C2CD3: variants seen among roughly 807,000 people sequenced by gnomAD.
C2CD3 encodes the protein C2 domain containing 3 centriole elongation regulator.
In C2CD3, 148 loss-of-function variants were observed where a neutral mutation model predicts 234.0. That is an observed-to-expected ratio of 0.63 (90% CI 0.55 to 0.72). The LOEUF (loss-of-function observed/expected upper bound fraction) is 0.72. C2CD3 is among the 30% of genes least tolerant of loss of function. The pLI is 0.00. For missense variants in C2CD3, 2,577 were observed against 2,811.5 expected, an observed-to-expected ratio of 0.92 and a Z score of 1.89; for synonymous variants, 1,000 against 1,035.4, an observed-to-expected ratio of 0.97 and a Z score of 0.66.
rs974326762 is a variant in C2CD3 at position 74,153,246 on chromosome 11, AAAAC to A, written c.483+8149_483+8152del. Among the ~76,000 whole-genome samples the A allele has an allele frequency of 6.7e-5, 10 of 150,290 alleles. No homozygotes were observed. The South Asian group carries it at 8.5e-4, about 13-fold the overall frequency. On this transcript the variant is annotated intron_variant, in intron 3 of 32. Coordinates refer to ENST00000334126, the MANE Select transcript of C2CD3 (RefSeq NM_001286577.2). ...AAAACAAAACAAAACAAAACAAAAC[AAAAC>A]AAACAAAAGCAAGTGAAAGACCAAA...
At chr11:74,069,396 A>G (rs1046175732) in intron 24 of C2CD3, among the ~76,000 whole-genome samples, 14 of 152,248 alleles carry the variant, frequency 9.2e-5, no homozygotes, top group Non-Finnish European at 1.5e-4. Context: ...TGGGACACAC[A>G]TTAAGAAGAC....
intron 31 of C2CD3, among the ~76,000 whole-genome samples, chr11:74,029,734 G>A (rs1385853229): frequency 1.3e-5 from 2 of 152,160 alleles, no homozygotes; most frequent in Non-Finnish European, 1.5e-5. Context: ...GCTCCAACAG[G>A]CACTTTCTCC....
intron 11 of C2CD3, among the ~76,000 whole-genome samples, chr11:74,110,804 A>C (rs1956713543): frequency 6.6e-6 from 1 of 152,216 alleles, no homozygotes; most frequent in African/African-American, 2.4e-5. Context: ...GTCCCAGAGA[A>C]GATTTTTTTC....
Position 74,033,465 on chromosome 11 carries a change from A to G in C2CD3, c.6695T>C (p.Leu2232Pro). The G allele has an allele frequency of 2.0e-6, 3 of 1,536,178 alleles. No homozygotes were observed. Among genetic ancestry groups the G allele is most frequent in the Non-Finnish European group, 2.6e-6 (3 of 1,146,920 alleles). ...GTTTTCCCTTCTGCTCTGGGAGGCTAGATTTAGCGGCAACTTCTTGAAGCT... is the reference window on the plus strand; with the variant it reads ...GTTTTCCCTTCTGCTCTGGGAGGCTGGATTTAGCGGCAACTTCTTGAAGCT... Reference protein sequence around the residue: ...ADSFKKLPLNLASQSRRENHK... With the variant: ...ADSFKKLPLNPASQSRRENHK... The change falls in exon 31 of 33, where the codon CTA (leucine) becomes CCA (proline). Residue 2232 changes from leucine (L) to proline (P), a missense_variant. Physicochemically the swap from Leu to Pro is moderately conservative, Grantham distance 98. Transcript: ENST00000334126.
chr11:74,162,964 G>A (rs1336278419), intron 2 of C2CD3, among the ~76,000 whole-genome samples: 1 of 152,064 alleles, frequency 6.6e-6, no homozygotes, highest in African/African-American at 2.4e-5. Context: ...CAAGAGAAAT[G>A]AAAATAAACT....
chr11:74,093,809 A>C lies in C2CD3; in HGVS notation c.3344+7T>G. ...CTAGGCATAGGACTGGGGTCTCCACACTGTACCTGCACCAGATTTCAAACT... is the reference window on the plus strand; with the variant it reads ...CTAGGCATAGGACTGGGGTCTCCACCCTGTACCTGCACCAGATTTCAAACT... On this transcript the variant is annotated splice_region_variant and intron_variant, in intron 18 of 32. Coordinates refer to ENST00000334126, the MANE Select transcript of C2CD3 (RefSeq NM_001286577.2). 1.9e-6 allele frequency: 3 copies of C among 1,612,732 alleles called. No individual in the cohort carries two copies. The highest frequency in any genetic ancestry group is 1.3e-5 in the African/African-American group (1 of 74,968).
chr11:74,164,309 A>T (rs11602451), intron 2 of C2CD3: 1 of 881,948 alleles, frequency 1.1e-6, no homozygotes, highest in Non-Finnish European at 1.4e-6. Context: ...CTACTCTAGT[A>T]GTTCCATGCT....
rs755599177 is a variant in C2CD3, at chr11:74,092,496, T to G, written c.3437A>C (p.Glu1146Ala). ...ATTAAAGGTCTGTATTCCCACATCC[T>G]CACGATGCTGGGTGGTTACCATAGC... ...ICAMVTTQHR[E>A]DVGIQTFNLP... Residue 1146 changes from glutamate to alanine, a missense_variant, in exon 19 of 33, where the codon GAG (glutamate) becomes GCG (alanine). Coordinates refer to ENST00000334126, the MANE Select transcript of C2CD3 (RefSeq NM_001286577.2). 1.9e-6 allele frequency: 3 copies of G among 1,613,434 alleles called. No individual in the cohort carries two copies. Among genetic ancestry groups the G allele is most frequent in the African/African-American group, 2.7e-5 (2 of 74,920 alleles).
chr11:74,066,719 C>T (rs1954559068), intron 24 of C2CD3, among the ~76,000 whole-genome samples: 1 of 151,646 alleles, frequency 6.6e-6, no homozygotes, highest in Non-Finnish European at 1.5e-5. Context: ...TGACATGCAT[C>T]ATAGTCAATC....
At chr11:74,072,248 C>T (rs4944037) in intron 24 of C2CD3, among the ~76,000 whole-genome samples, 6,674 of 152,224 alleles carry the variant, frequency 0.044, 233 homozygotes, top group Admixed American at 0.11. Flanking sequence ...TTCTGATACA[C>T]AATGGCTGAA....
At chr11:74,133,034 A>G in intron 6 of C2CD3, 62 bp from the exon 7 acceptor site, 2 of 1,519,624 alleles carry the variant, frequency 1.3e-6, no homozygotes, top group Non-Finnish European at 1.8e-6. Flanking sequence ...TCTAAATCAT[A>G]ATCACTTCGT....
intron 17 of C2CD3, 82 bp from the exon 18 acceptor site, chr11:74,094,081 T>G (rs1956010609): frequency 8.7e-7 from 1 of 1,143,718 alleles, no homozygotes; most frequent in African/African-American, 1.5e-5. Flanking sequence ...CCAGTGAATA[T>G]TACTTAGTAA....
chr11:74,082,351 G>A (rs1298094923), intron 22 of C2CD3, among the ~76,000 whole-genome samples: 2 of 152,064 alleles, frequency 1.3e-5, no homozygotes, highest in African/African-American at 4.8e-5. Context: ...TCCTGACCTT[G>A]TGATCCGCCC....
At chr11:74,022,336 T>C (rs1383061089) in intron 32 of C2CD3, among the ~76,000 whole-genome samples, 1 of 151,914 alleles carries the variant, frequency 6.6e-6, no homozygotes, top group Non-Finnish European at 1.5e-5. Context: ...TTTCCTGAGA[T>C]ATGGATGCAG....
chr11:74,040,053 T>A (rs1424173709), intron 29 of C2CD3, among the ~76,000 whole-genome samples: 1 of 152,358 alleles, frequency 6.6e-6, no homozygotes, highest in East Asian at 1.9e-4. Context: ...GCTGTGTTCG[T>A]GGCCTATTAG....
chr11:74,122,837 T>C, intron 8 of C2CD3, 151 bp downstream of exon 8: 1 of 599,652 alleles, frequency 1.7e-6, no homozygotes. Flanking sequence ...TCTCAACATC[T>C]GTAAAATGAA....
chr11:74,071,508 A>G (rs1418621555), intron 24 of C2CD3, among the ~76,000 whole-genome samples: 3 of 152,158 alleles, frequency 2.0e-5, no homozygotes, highest in Non-Finnish European at 4.4e-5. Flanking sequence ...GAGCGCATTA[A>G]CTATGTAACT....
Position 74,107,322 on chromosome 11 carries a change from T to TCTCACA in C2CD3, c.1963-830_1963-829insTGTGAG, listed in dbSNP as rs948551188. On this transcript the variant is annotated intron_variant, in intron 12 of 32. Coordinates refer to ENST00000334126, the MANE Select transcript of C2CD3 (RefSeq NM_001286577.2). Reference sequence around the variant, plus strand: ...CCTGGGCAACAAGAATGAAACTGTGTCACACACACACACACACACACACAC... The same window carrying TCTCACA: ...CCTGGGCAACAAGAATGAAACTGTGTCTCACACACACACACACACACACACACACAC... 2.7e-4 allele frequency among the ~76,000 whole-genome samples: 40 copies of TCTCACA among 146,618 alleles called. 1 individual carries two copies. The highest frequency in any genetic ancestry group is 9.8e-4 in the African/African-American group (39 of 39,770).
intron 32 of C2CD3, among the ~76,000 whole-genome samples, chr11:74,015,207 T>C (rs1188299073): frequency 6.6e-6 from 1 of 152,178 alleles, no homozygotes; most frequent in African/African-American, 2.4e-5. Context: ...CGAGGCCAGT[T>C]CCAAGACAGG....
Sources: allele counts gnomAD v4.1 joint callset (sites outside exome capture counted in the v4.1 genomes callset), GRCh38; gene constraint gnomAD v4.1.1; transcripts MANE v1.5; gene names NCBI Gene and HGNC (gene_info 2026-07-23, HGNC 2026-07-21).